ALLC: variants seen among roughly 807,000 people sequenced by gnomAD.
ALLC encodes probable inactive allantoicase.
A neutral mutation model predicts 45.0 loss-of-function variants in ALLC; 40 were observed. The observed-to-expected ratio is 0.89, with a 90% CI of 0.69 to 1.16. ALLC has a LOEUF of 1.16. Ranked by LOEUF, ALLC falls within the 50% of genes most tolerant of loss-of-function variation. The pLI, the probability that ALLC is intolerant of heterozygous loss-of-function variation, is 0.00. For synonymous variants in ALLC, 176 were observed against 178.1 expected, an observed-to-expected ratio of 0.99 and a Z score of 0.09; for missense variants, 488 against 493.1, an observed-to-expected ratio of 0.99 and a Z score of 0.10.
chr2:3,650,734 T>C, the ALLC span, among the ~76,000 whole-genome samples: 1 of 152,166 alleles, frequency 6.6e-6, no homozygotes, highest in African/African-American at 2.4e-5. Flanking sequence ...ACCCCTCCCA[T>C]GTGGGTACCC....
chr2:3,662,768 C>T (rs1026645349), intron 1 of ALLC, among the ~76,000 whole-genome samples: 1 of 152,198 alleles, frequency 6.6e-6, no homozygotes, highest in African/African-American at 2.4e-5. Flanking sequence ...ACACATAAAA[C>T]TGGTATGAAA....
intron 3 of ALLC, 49 bp downstream of exon 3, chr2:3,674,174 C>A: frequency 1.5e-6 from 2 of 1,331,338 alleles, no homozygotes; most frequent in Non-Finnish European, 2.1e-6. Context: ...GTAGAGAAAT[C>A]TATGCCGCCT....
At chr2:3,689,195 A>G (rs1220593874) in intron 7 of ALLC, among the ~76,000 whole-genome samples, 1 of 150,466 alleles carries the variant, frequency 6.6e-6, no homozygotes, top group Non-Finnish European at 1.5e-5. Flanking sequence ...GATCCTCTGT[A>G]TTATTTTAGT....
At chr2:3,684,128 A>T (rs1667266781) in intron 7 of ALLC, among the ~76,000 whole-genome samples, 1 of 152,202 alleles carries the variant, frequency 6.6e-6, no homozygotes, top group African/African-American at 2.4e-5. Context: ...TTTCTGGGTC[A>T]TATGATAACT....
chr2:3,687,052 A>G (rs1303414324), intron 7 of ALLC, among the ~76,000 whole-genome samples: 2 of 150,816 alleles, frequency 1.3e-5, no homozygotes, highest in African/African-American at 4.8e-5. Flanking sequence ...TCCATTAAGT[A>G]TGATGTTACC....
intron 6 of ALLC, among the ~76,000 whole-genome samples, chr2:3,682,611 C>T (rs964183034): frequency 6.6e-5 from 10 of 152,218 alleles, no homozygotes; most frequent in East Asian, 1.9e-4. Context: ...CTGCAAGCTC[C>T]GCCTCCCAGG....
At chr2:3,675,896 G>C (rs1161238407) in intron 3 of ALLC, among the ~76,000 whole-genome samples, 2 of 152,228 alleles carry the variant, frequency 1.3e-5, no homozygotes, top group African/African-American at 4.8e-5. Context: ...GGAAGTCTGA[G>C]ACCGAGCCTG....
At chr2:3,665,784 G>A (rs1487571019) in intron 1 of ALLC, among the ~76,000 whole-genome samples, 1 of 152,196 alleles carries the variant, frequency 6.6e-6, no homozygotes, top group Non-Finnish European at 1.5e-5. Flanking sequence ...ATGCGTGCAT[G>A]TATCTTTATA....
intron 5 of ALLC, 73 bp from the exon 6 acceptor site, chr2:3,681,561 A>C: frequency 9.1e-7 from 1 of 1,099,940 alleles, no homozygotes; most frequent in Non-Finnish European, 1.3e-6. Flanking sequence ...ATTACCATAC[A>C]AACCACCAAG....
intron 3 of ALLC, among the ~76,000 whole-genome samples, chr2:3,675,556 C>T (rs949492810): frequency 6.6e-6 from 1 of 151,664 alleles, no homozygotes; most frequent in African/African-American, 2.4e-5. Flanking sequence ...GAGGGTAGGG[C>T]ACTATTTCTT....
chr2:3,671,595 A>AGTTAGATGGGAGGTCCCCTGGCTCTG (rs1666871726), intron 2 of ALLC, among the ~76,000 whole-genome samples: 9 of 83,986 alleles, frequency 1.1e-4, no homozygotes, highest in Non-Finnish European at 1.2e-4. Context: ...CTCTGGCTCT[A>AGTTAGATGGGAGGTCCCCTGGCTCTG]GTTAGATGGG....
intron 2 of ALLC, among the ~76,000 whole-genome samples, chr2:3,671,677 A>C (rs1381860319): frequency 6.6e-6 from 1 of 150,978 alleles, no homozygotes; most frequent in African/African-American, 2.4e-5. Flanking sequence ...GGCTCTATTT[A>C]GATCCGAGGT....
At chr2:3,673,351 C>G (rs1666943585) in intron 2 of ALLC, among the ~76,000 whole-genome samples, 1 of 152,234 alleles carries the variant, frequency 6.6e-6, no homozygotes, top group African/African-American at 2.4e-5. Flanking sequence ...GTCCACCTAC[C>G]TGCCATTTGA....
chr2:3,679,847 T>A (rs1667127281), intron 4 of ALLC, 22 bp from the exon 5 acceptor site: 4 of 1,613,422 alleles, frequency 2.5e-6, no homozygotes, highest in Non-Finnish European at 3.4e-6. Context: ...ACGAGACTGC[T>A]CTTGTCCTCT....
upstream of ALLC, among the ~76,000 whole-genome samples, chr2:3,657,284 A>G (rs1006010677): frequency 1.8e-4 from 27 of 152,128 alleles, no homozygotes; most frequent in African/African-American, 4.8e-4. Flanking sequence ...CGGCCTTTCA[A>G]ATGGCTTTGC....
At chr2:3,690,249 CTTCCCTTCCCT>C (rs1667440973) in intron 7 of ALLC, among the ~76,000 whole-genome samples, 1 of 40,040 alleles carries the variant, frequency 2.5e-5, no homozygotes. Context: ...ATCCCCTCCC[CTTCCCTTCCCT>C]TCCCTCCCCC....
chr2:3,651,981 G>A, the ALLC span, among the ~76,000 whole-genome samples: 5 of 152,284 alleles, frequency 3.3e-5, no homozygotes, highest in Admixed American at 2.0e-4. Context: ...GACGCAACCC[G>A]GCTCAGCTCA....
At chr2:3,678,336 A>G in intron 3 of ALLC, 132 bp from the exon 4 acceptor site, 1 of 661,222 alleles carries the variant, frequency 1.5e-6, no homozygotes, top group Non-Finnish European at 2.7e-6. Flanking sequence ...CTGGGCATGA[A>G]GGTGGTGGCA....
intron 8 of ALLC, 50 bp downstream of exon 8, chr2:3,695,922 C>A: frequency 6.5e-7 from 1 of 1,527,444 alleles, no homozygotes; most frequent in Non-Finnish European, 8.9e-7. Context: ...TGGGTACCGG[C>A]ATTAAATACC....
Sources: gnomAD v4.1 joint callset for allele counts (sites outside exome capture counted in the v4.1 genomes callset) on GRCh38, gnomAD v4.1.1 for gene constraint, MANE v1.5 for transcripts, NCBI Gene and HGNC (gene_info 2026-07-23, HGNC 2026-07-21) for gene names.